The following NUP210L variants were observed in gnomAD, a reference collection of about 807,000 sequenced individuals.
The protein encoded by NUP210L is nuclear pore membrane glycoprotein 210-like.
A neutral mutation model predicts 208.5 loss-of-function variants in NUP210L; 74 were observed. The ratio of observed to expected loss-of-function variants is 0.35; its 90% CI spans 0.29 to 0.43. NUP210L has a LOEUF of 0.43. Ranked by LOEUF, NUP210L falls within the 20% of genes least tolerant of loss-of-function variation. The pLI is 1.00. For synonymous variants in NUP210L, 780 were observed against 816.9 expected, an observed-to-expected ratio of 0.95 and a Z score of 0.77; for missense variants, 1,843 against 2,289.4, an observed-to-expected ratio of 0.81 and a Z score of 3.98.
At chr1:153,996,074 C>G (rs1649840723) in intron 37 of NUP210L, 2 of 332,256 alleles carry the variant, frequency 6.0e-6, no homozygotes, top group African/African-American at 2.2e-5. Context: ...GGGTGGATCA[C>G]AAGGTCAGGA....
intron 13 of NUP210L, among the ~76,000 whole-genome samples, chr1:154,103,513 A>G (rs1433545944): frequency 6.6e-6 from 1 of 150,810 alleles, no homozygotes. Context: ...TCTACTAAAA[A>G]TACAAAAAAT....
At chr1:154,050,209 CAATTGAAAACATTAAATG>C (rs1264773089) in intron 25 of NUP210L, among the ~76,000 whole-genome samples, 12 of 152,150 alleles carry the variant, frequency 7.9e-5, no homozygotes, top group Non-Finnish European at 1.5e-4. Flanking sequence ...ATGTAGGGAT[CAATTGAAAACATTAAATG>C]ACTTTCAAAA....
intron 6 of NUP210L, 135 bp from the exon 7 acceptor site, chr1:154,136,107 G>C (rs111367304): frequency 1.8e-5 from 12 of 649,258 alleles, no homozygotes; most frequent in African/African-American, 1.3e-4. Context: ...TGTTTTTCCT[G>C]CTATGATGAA....
chr1:154,038,125 A>T (rs1453883108), intron 27 of NUP210L, among the ~76,000 whole-genome samples: 1 of 149,536 alleles, frequency 6.7e-6, no homozygotes, highest in African/African-American at 2.5e-5. Context: ...ATTTTTGTTT[A>T]TCTGTTTTGG....
At chr1:154,147,354 T>C (rs1278047208) in intron 2 of NUP210L, among the ~76,000 whole-genome samples, 1 of 151,690 alleles carries the variant, frequency 6.6e-6, no homozygotes, top group Non-Finnish European at 1.5e-5. Context: ...ATCTGACCAG[T>C]ACTTTTTTTT....
intron 2 of NUP210L, 109 bp from the exon 3 acceptor site, chr1:154,143,686 ACTG>A: frequency 1.1e-6 from 1 of 923,144 alleles, no homozygotes; most frequent in South Asian, 2.0e-5. Context: ...AAAGACTATG[ACTG>A]CTGCTTTTAC....
rs1658392768 is a variant in NUP210L, at chr1:154,134,116, C to T, written c.1009+1698G>A. Reference sequence around the variant, plus strand: ...AGTGAGCAGAAATCGCGCCACTGCACTCCAGCTTGGGCAACAAGAGCAAAA... The same window carrying T: ...AGTGAGCAGAAATCGCGCCACTGCATTCCAGCTTGGGCAACAAGAGCAAAA... On this transcript the variant is annotated intron_variant, in intron 7 of 39. Transcript: ENST00000368559. Among the ~76,000 whole-genome samples the T allele has an allele frequency of 2.7e-5, 4 of 150,584 alleles. No individual in the cohort carries two copies. The South Asian group carries it at 8.4e-4, about 31-fold the overall frequency.
chr1:154,022,203 T>G (rs372194581), exon 32 of NUP210L: 4 of 1,614,190 alleles, frequency 2.5e-6, no homozygotes. Context: ...CTCAATGGCA[T>G]GCTCTACAGC....
chr1:154,089,765 G>A (rs553590396), intron 15 of NUP210L, among the ~76,000 whole-genome samples, 171 bp from the exon 16 acceptor site: 18 of 152,040 alleles, frequency 1.2e-4, no homozygotes, highest in South Asian at 2.1e-4. Context: ...ATGCTAAAGG[G>A]CATTAATAAT....
At chr1:154,054,156 C>A (rs1653679808) in intron 25 of NUP210L, 72 bp downstream of exon 25, 45 of 1,515,858 alleles carry the variant, frequency 3.0e-5, no homozygotes, top group Admixed American at 6.8e-5. Context: ...CTCATTACCA[C>A]TGCCTCCCTA....
chr1:154,137,149 T>G (rs1658591344), intron 6 of NUP210L, among the ~76,000 whole-genome samples: 1 of 151,978 alleles, frequency 6.6e-6, no homozygotes, highest in South Asian at 2.1e-4. Flanking sequence ...CTTGGCACAG[T>G]AGCTCACACC....
At chr1:154,032,420 T>C (rs1652277970) in intron 27 of NUP210L, among the ~76,000 whole-genome samples, 1 of 152,164 alleles carries the variant, frequency 6.6e-6, no homozygotes, top group South Asian at 2.1e-4. Flanking sequence ...GATATCTCAC[T>C]GTAGTTTTGA....
chr1:154,019,176 T>G (rs1371351834), intron 32 of NUP210L, 107 bp from the exon 33 acceptor site: 5 of 1,100,892 alleles, frequency 4.5e-6, no homozygotes, highest in Non-Finnish European at 6.5e-6. Context: ...AGATATCTCT[T>G]CCCAGGAGAA....
In NUP210L at chr1:154,000,731, T is replaced by G. The variant is rs1285487545; in HGVS notation, c.5386+125A>C. Reference sequence around the variant, plus strand: ...GTTTATTTCAGGAGTTTTTCATTTATTTTTGGACCGTGGTTGACAGTTAAG... The same window carrying G: ...GTTTATTTCAGGAGTTTTTCATTTAGTTTTGGACCGTGGTTGACAGTTAAG... On this transcript the variant is annotated intron_variant, in intron 37 of 39. Coordinates refer to ENST00000368559, the Ensembl canonical transcript of NUP210L. The G allele has an allele frequency of 4.4e-5, 34 of 775,196 alleles. No individual in the cohort carries two copies. The Middle Eastern group carries it at 2.3e-3, about 52-fold the overall frequency. The allele number at this position is 775,196 out of a possible 1,614,324, so 48.0% of individuals were successfully genotyped here. A position where few individuals can be genotyped will look rare whatever the true frequency, so the allele number is the denominator to read the frequency against.
At chr1:154,128,979 T>C (rs918663475) in intron 8 of NUP210L, among the ~76,000 whole-genome samples, 1 of 152,260 alleles carries the variant, frequency 6.6e-6, no homozygotes, top group Non-Finnish European at 1.5e-5. Flanking sequence ...GTCAGATTCA[T>C]TGTTTTCATA....
At chr1:154,049,143 C>G (rs1339412512) in intron 25 of NUP210L, among the ~76,000 whole-genome samples, 6 of 152,104 alleles carry the variant, frequency 3.9e-5, no homozygotes, top group Non-Finnish European at 5.9e-5. Flanking sequence ...TCAACCCGCT[C>G]AATTTAACAT....
At chr1:154,121,669 C>T (rs989269076) in intron 10 of NUP210L, among the ~76,000 whole-genome samples, 15 of 152,024 alleles carry the variant, frequency 9.9e-5, no homozygotes, top group African/African-American at 3.6e-4. Flanking sequence ...GAGTTTGAGA[C>T]CAGTCTGGCC....
At chr1:154,037,619 T>C (rs952634332) in intron 27 of NUP210L, among the ~76,000 whole-genome samples, 15 of 152,152 alleles carry the variant, frequency 9.9e-5, no homozygotes. Flanking sequence ...TTGGATCTTA[T>C]TTATTTATTT....
At position 154,046,466 on chromosome 1, in the gene NUP210L, A is replaced by G. The variant is rs1653187584; in HGVS notation, c.3484-97T>C. 11 of 1,031,096 alleles carry G rather than the reference A, an allele frequency of 1.1e-5. No individual in the cohort carries two copies. The South Asian group carries it at 1.5e-4, about 14-fold the overall frequency. 63.9% of individuals were successfully genotyped at this position (1,031,096 alleles called of 1,614,324 possible). Reference sequence around the variant, plus strand: ...TAACTAGTTTGCTATTGTTTTTAACATTCAGTAAAAAACCTTGCCCATGCT... The same window carrying G: ...TAACTAGTTTGCTATTGTTTTTAACGTTCAGTAAAAAACCTTGCCCATGCT... On this transcript the variant is annotated intron_variant, in intron 25 of 39. Transcript: ENST00000368559.
Sources: gnomAD v4.1 joint callset for allele counts (sites outside exome capture counted in the v4.1 genomes callset) on GRCh38, gnomAD v4.1.1 for gene constraint, MANE v1.5 for transcripts, NCBI Gene and HGNC (gene_info 2026-07-23, HGNC 2026-07-21) for gene names.